The following ITGAE variants were observed in gnomAD, a reference collection of about 807,000 sequenced individuals.
ITGAE encodes the protein integrin alpha-E.
A neutral mutation model predicts 136.5 loss-of-function variants in ITGAE; 99 were observed. The ratio of observed to expected loss-of-function variants is 0.73; its 90% CI spans 0.62 to 0.86. The LOEUF (loss-of-function observed/expected upper bound fraction) is 0.86. ITGAE is among the 40% of genes least tolerant of loss of function. The pLI is 0.00. For missense variants in ITGAE, 1,447 were observed against 1,515.3 expected, an observed-to-expected ratio of 0.95 and a Z score of 0.75; for synonymous variants, 613 against 591.8, an observed-to-expected ratio of 1.04 and a Z score of -0.52.
intron 12 of ITGAE, 116 bp from the exon 13 acceptor site, chr17:3,754,041 AG>A (rs2051940834): frequency 3.5e-6 from 4 of 1,149,882 alleles, no homozygotes; most frequent in Non-Finnish European, 4.9e-6. Context: ...GGGGCAAAAT[AG>A]GAGAGACTGT....
At chr17:3,748,092 C>A in intron 16 of ITGAE, 40 bp from the exon 17 acceptor site, 1 of 1,592,466 alleles carries the variant, frequency 6.3e-7, no homozygotes, top group South Asian at 1.1e-5. Flanking sequence ...AGTGACTGCT[C>A]AGCCTCTGGG....
At chr17:3,734,064 A>C (rs1353131531) in intron 21 of ITGAE, among the ~76,000 whole-genome samples, 4 of 152,000 alleles carry the variant, frequency 2.6e-5, no homozygotes, top group Middle Eastern at 3.2e-3. Context: ...CAAACAGCAA[A>C]GTTTTCTTTC....
intron 2 of ITGAE, among the ~76,000 whole-genome samples, chr17:3,771,643 C>T (rs1316145207): frequency 1.3e-5 from 2 of 150,384 alleles, no homozygotes; most frequent in Non-Finnish European, 2.9e-5. Context: ...CGGGTTCAAG[C>T]GATTCTCCTG....
intron 2 of ITGAE, among the ~76,000 whole-genome samples, chr17:3,774,670 C>A (rs1343068933): frequency 6.6e-6 from 1 of 152,132 alleles, no homozygotes; most frequent in Admixed American, 6.5e-5. Context: ...GAGGCTGAGG[C>A]AGGAGAATCA....
At chr17:3,725,000 C>CTT in intron 26 of ITGAE, 1 of 1,614,198 alleles carries the variant, frequency 6.2e-7, no homozygotes, top group South Asian at 1.1e-5. Flanking sequence ...ATTCCCACCG[C>CTT]TTTAAAAAGG....
At chr17:3,797,698 T>A (rs1597379468) in intron 1 of ITGAE, among the ~76,000 whole-genome samples, 1 of 151,902 alleles carries the variant, frequency 6.6e-6, no homozygotes, top group Non-Finnish European at 1.5e-5. Context: ...TGATCACAAG[T>A]GCTCTGCCCG....
At chr17:3,723,915 A>T (rs771077732) in intron 26 of ITGAE, 171 bp from the exon 27 acceptor site, 4 of 1,539,000 alleles carry the variant, frequency 2.6e-6, no homozygotes, top group Admixed American at 2.1e-5. Context: ...TTGCGTTTGA[A>T]CCTCTTGGCG....
intron 28 of ITGAE, chr17:3,721,639 CTTCAG>C (rs936901163): frequency 1.3e-5 from 2 of 152,094 alleles, no homozygotes; most frequent in African/African-American, 2.4e-5. Flanking sequence ...ATTGCTACTT[CTTCAG>C]TTGAGACCTC....
At chr17:3,787,177 T>C (rs186281217) in intron 1 of ITGAE, among the ~76,000 whole-genome samples, 5 of 151,220 alleles carry the variant, frequency 3.3e-5, no homozygotes, top group African/African-American at 1.2e-4. Context: ...AGTGGTGTGA[T>C]CTCGGCTCAC....
Position 3,748,007 on chromosome 17 carries a change from G to T in ITGAE, c.2070C>A (p.Pro690=). The change falls in exon 17 of 31, where the codon CCC becomes CCA. Residue 690 remains proline, a synonymous_variant. Transcript: ENST00000263087. ...CGTTGAAGCCGATGGGCAGTGCGCT[G>T]GGGGTGAAGGCCATGGAGACCTTCA... ...VRLKVSMAFT[P]SALPIGFNGV... is the part of the protein sequence containing the mutation. The T allele has an allele frequency of 6.2e-7, 1 of 1,613,178 alleles. No individual in the cohort carries two copies. Among genetic ancestry groups the T allele is most frequent in the South Asian group, 1.1e-5 (1 of 91,064 alleles).
chr17:3,792,510 A>G (rs2052967048), intron 1 of ITGAE, among the ~76,000 whole-genome samples: 1 of 152,210 alleles, frequency 6.6e-6, no homozygotes, highest in Non-Finnish European at 1.5e-5. Flanking sequence ...AGGTAAGATA[A>G]AACTCGCTTA....
intron 26 of ITGAE, 90 bp downstream of exon 26, chr17:3,727,829 A>G: frequency 1.2e-6 from 1 of 850,328 alleles, no homozygotes; most frequent in Non-Finnish European, 2.0e-6. Context: ...ACTTGTCTTC[A>G]CTCTGTTTCT....
At chr17:3,780,510 C>T (rs1374372515) in intron 1 of ITGAE, among the ~76,000 whole-genome samples, 3 of 150,616 alleles carry the variant, frequency 2.0e-5, no homozygotes, top group Non-Finnish European at 4.4e-5. Flanking sequence ...GTTGGTCAGG[C>T]TAGTTTCGAA....
intron 1 of ITGAE, among the ~76,000 whole-genome samples, chr17:3,794,849 C>T (rs2143505800): frequency 6.6e-6 from 1 of 152,304 alleles, no homozygotes; most frequent in East Asian, 1.9e-4. Flanking sequence ...CCCCCCGTTT[C>T]ACTGTCGGTA....
At position 3,724,218 on chromosome 17, in the gene ITGAE, A is replaced by G. The variant is rs1179433538; in HGVS notation, c.3085-474T>C. 4 of 1,593,514 alleles carry G rather than the reference A, an allele frequency of 2.5e-6. No homozygotes were observed. In the Admixed American group the frequency reaches 6.8e-5, roughly 27 times the overall value. The stretch of plus-strand genomic sequence containing the variant: ...AGTGCCCAAGGACCGGCCCAGCCTG[A>G]CCGTGACCCCAAAGCGCTGGAAGCT... On this transcript the variant is annotated intron_variant, in intron 26 of 30. Coordinates refer to ENST00000263087, the MANE Select transcript of ITGAE (RefSeq NM_002208.5).
rs151038615 is a variant in ITGAE at position 3,794,694 on chromosome 17, G to A, written c.34+6417C>T. On this transcript the variant is annotated intron_variant, in intron 1 of 30. Transcript: ENST00000263087. ...ACGCCCAGTAGGGAGTCTGGGCTCC[G>A]GCCCCGGGGCCCACGTCACGTTGAG... 7.3e-3 allele frequency among the ~76,000 whole-genome samples: 1,107 copies of A among 152,260 alleles called. 19 individuals carry two copies. Among genetic ancestry groups the A allele is most frequent in the African/African-American group, 0.026 (1,060 of 41,546 alleles).
chr17:3,798,939 ACTG>A lies in ITGAE; in HGVS notation c.34+2169_34+2171del, dbSNP rs2143563255. On this transcript the variant is annotated intron_variant, in intron 1 of 30. Coordinates refer to ENST00000263087, the MANE Select transcript of ITGAE (RefSeq NM_002208.5). This position sits in a 1 kb window ranked among gnomAD's most constrained non-coding sequence, Gnocchi z 4.3. The stretch of plus-strand genomic sequence containing the variant: ...ATGCTTCTAAAATCTCCCTTAGACA[ACTG>A]CTATTATTCCGTCTGCTGCCACAAA... Among the ~76,000 whole-genome samples, 1 of 152,164 alleles carries A rather than the reference ACTG, an allele frequency of 6.6e-6. No homozygotes were observed. Among genetic ancestry groups the A allele is most frequent in the East Asian group, 1.9e-4 (1 of 5,160 alleles).
chr17:3,716,947 T>G, intron 29 of ITGAE, 149 bp from the exon 30 acceptor site: 1 of 583,946 alleles, frequency 1.7e-6, no homozygotes, highest in East Asian at 2.9e-5. Context: ...AAGCTAGATA[T>G]TCCCTGATGC....
intron 1 of ITGAE, among the ~76,000 whole-genome samples, chr17:3,794,267 G>A (rs560568291): frequency 1.1e-3 from 160 of 152,158 alleles, no homozygotes; most frequent in African/African-American, 3.3e-3. Context: ...GTGAGCCACC[G>A]TGCCTGGCCT....
Sources: allele counts gnomAD v4.1 joint callset (sites outside exome capture counted in the v4.1 genomes callset), GRCh38; gene constraint gnomAD v4.1.1; non-coding constraint Gnocchi (gnomAD v3.1); transcripts MANE v1.5; gene names NCBI Gene and HGNC (gene_info 2026-07-23, HGNC 2026-07-21).